AFF3: variants seen among roughly 807,000 people sequenced by gnomAD.
AFF3 encodes ALF transcription elongation factor 3.
Under a neutral mutation model 129.7 loss-of-function variants are expected in AFF3, and 32 were observed. That is an observed-to-expected ratio of 0.25 (90% CI 0.19 to 0.33). The LOEUF (loss-of-function observed/expected upper bound fraction) is 0.33, where lower values mean the gene tolerates loss of function less well. Among genes scored for constraint, AFF3 ranks in the 10% least tolerant of loss-of-function variants. The probability of loss-of-function intolerance (pLI) is 1.00; values close to 1 mark genes in which losing one functional copy is unlikely to be tolerated. For synonymous variants in AFF3, 644 were observed against 635.4 expected (o/e 1.01, Z -0.20); for missense variants, 1,373 against 1,592.0 (o/e 0.86, Z 2.34).
At chr2:100,020,735 C>A (rs1370768731) in intron 4 of AFF3, among the ~76,000 whole-genome samples, 2 of 152,212 alleles carry the variant, frequency 1.3e-5, no homozygotes, top group East Asian at 1.9e-4. Flanking sequence ...TTGTCCAACT[C>A]TCTCCTTCTG....
At chr2:100,052,896 T>C (rs575377412) in intron 4 of AFF3, among the ~76,000 whole-genome samples, 2 of 152,190 alleles carry the variant, frequency 1.3e-5, no homozygotes, top group African/African-American at 4.8e-5. Flanking sequence ...GAGGCTCTTA[T>C]CAGTGATTTT....
chr2:99,894,691 G>A (rs994486952), intron 7 of AFF3, among the ~76,000 whole-genome samples: 47 of 151,810 alleles, frequency 3.1e-4, no homozygotes, highest in Non-Finnish European at 4.1e-4. Context: ...TAGCCAGGAT[G>A]GTCTCGATCT....
At chr2:99,832,303 C>T (rs758004287) in intron 8 of AFF3, among the ~76,000 whole-genome samples, 3 of 152,198 alleles carry the variant, frequency 2.0e-5, no homozygotes, top group Non-Finnish European at 4.4e-5. Flanking sequence ...TATCAAAGGG[C>T]GAAGCTGTTC....
At chr2:99,793,656 G>A (rs771470148) in intron 8 of AFF3, among the ~76,000 whole-genome samples, 5 of 152,026 alleles carry the variant, frequency 3.3e-5, no homozygotes, top group East Asian at 1.9e-4. Flanking sequence ...AATCATTCGC[G>A]TTTTCTCTTT....
intron 13 of AFF3, among the ~76,000 whole-genome samples, chr2:99,621,742 C>A (rs776736182): frequency 6.6e-6 from 1 of 152,108 alleles, no homozygotes; most frequent in Non-Finnish European, 1.5e-5. Context: ...GGGGGAAGAA[C>A]GAGGAGTAGA....
intron 13 of AFF3, among the ~76,000 whole-genome samples, chr2:99,608,466 A>C (rs1326472066): frequency 2.6e-5 from 4 of 152,222 alleles, no homozygotes. Flanking sequence ...AATATGCAGG[A>C]GTTCTTAAAA....
At chr2:100,127,000 T>G (rs1011339600) in intron 2 of AFF3, among the ~76,000 whole-genome samples, 5 of 152,218 alleles carry the variant, frequency 3.3e-5, no homozygotes, top group Non-Finnish European at 7.3e-5. Flanking sequence ...TTGGCTGCTC[T>G]GTGAGGTTAC....
At chr2:99,808,394 T>C (rs1686519860) in intron 8 of AFF3, among the ~76,000 whole-genome samples, 2 of 152,222 alleles carry the variant, frequency 1.3e-5, no homozygotes, top group Admixed American at 1.3e-4. Context: ...ATTCACTGGA[T>C]TCACCAGCAC....
intron 12 of AFF3, among the ~76,000 whole-genome samples, chr2:99,660,496 T>C (rs1282847599): frequency 6.6e-6 from 1 of 152,244 alleles, no homozygotes; most frequent in African/African-American, 2.4e-5. Flanking sequence ...GTTCTGAATG[T>C]GTTATTATTG....
chr2:99,897,746 C>A (rs936720895), intron 7 of AFF3, among the ~76,000 whole-genome samples: 3 of 152,074 alleles, frequency 2.0e-5, no homozygotes, highest in Non-Finnish European at 4.4e-5. Flanking sequence ...CTGATAAGAT[C>A]CTTTAGGAGT....
chr2:99,920,577 A>G (rs1402916854), intron 7 of AFF3, among the ~76,000 whole-genome samples: 7 of 152,074 alleles, frequency 4.6e-5, no homozygotes, highest in Non-Finnish European at 1.5e-5. Flanking sequence ...CATCTAGAAA[A>G]AATGTATAGC....
intron 4 of AFF3, among the ~76,000 whole-genome samples, chr2:100,016,464 G>T (rs1405334331): frequency 2.0e-5 from 3 of 151,656 alleles, no homozygotes; most frequent in Non-Finnish European, 4.4e-5. Context: ...GGTGATGGTG[G>T]TGGTAATGGT....
intron 11 of AFF3, among the ~76,000 whole-genome samples, chr2:99,711,414 T>C (rs942201776): frequency 1.3e-5 from 2 of 152,186 alleles, no homozygotes; most frequent in African/African-American, 4.8e-5. Context: ...ACATGTCCAG[T>C]AGACTGCCTG....
rs138353584 is a variant in AFF3 at position 99,648,934 on chromosome 2, C to CTCTCTCTT, written c.1184+691_1184+692insAAGAGAGA. On this transcript the variant is annotated intron_variant, in intron 13 of 24. Coordinates refer to ENST00000672756, the MANE Select transcript of AFF3 (RefSeq NM_001386135.1). ...ACACACACACTCTCTCTCTCTCTCT[C>CTCTCTCTT]TCTCCAATCTTAGTAAGTGAAAAAA... 2.2e-4 allele frequency among the ~76,000 whole-genome samples: 26 copies of CTCTCTCTT among 119,402 alleles called. 1 individual carries two copies. The highest frequency in any genetic ancestry group is 6.1e-4 in the African/African-American group (20 of 32,976). The allele number at this position is 119,402 out of a possible 152,430, so 78.3% of individuals were successfully genotyped here.
intron 12 of AFF3, among the ~76,000 whole-genome samples, chr2:99,670,066 T>C (rs1018068327): frequency 9.2e-5 from 14 of 152,170 alleles, no homozygotes; most frequent in African/African-American, 3.4e-4. Context: ...ACAGAGACAC[T>C]GAAGCAGAGA....
chr2:100,038,515 A>G (rs1003471697), intron 4 of AFF3, among the ~76,000 whole-genome samples: 2 of 152,112 alleles, frequency 1.3e-5, no homozygotes, highest in Non-Finnish European at 2.9e-5. Flanking sequence ...TTTCTCATAT[A>G]TTTTATAAAC....
chr2:99,682,269 G>A (rs1421823145), intron 11 of AFF3, among the ~76,000 whole-genome samples: 1 of 152,144 alleles, frequency 6.6e-6, no homozygotes, highest in Admixed American at 6.5e-5. Context: ...CCATAGGACA[G>A]AATTAGTCAC....
chr2:99,741,685 C>T (rs1680732767), intron 10 of AFF3, among the ~76,000 whole-genome samples: 3 of 152,004 alleles, frequency 2.0e-5, no homozygotes, highest in Non-Finnish European at 4.4e-5. Context: ...CATCAAGCTA[C>T]CAATGACTTT....
Position 99,968,232 on chromosome 2 carries a change from A to G in AFF3, c.873+38400T>C, listed in dbSNP as rs374220372. On this transcript the variant is annotated intron_variant, in intron 7 of 24. Transcript: ENST00000672756. ...GGTGCCATCCTGTTCTTCTGGCCTC[A>G]TGCTTTAGTGCCTCCCACTTGCTCA... Among the ~76,000 whole-genome samples, 23 of 152,246 alleles carry G rather than the reference A, an allele frequency of 1.5e-4. 1 individual carries two copies. In the East Asian group the frequency reaches 3.1e-3, roughly 21 times the overall value.
Sources: gnomAD v4.1 joint callset for allele counts (sites outside exome capture counted in the v4.1 genomes callset) on GRCh38, gnomAD v4.1.1 for gene constraint, MANE v1.5 for transcripts, NCBI Gene and HGNC (gene_info 2026-07-23, HGNC 2026-07-21) for gene names.